Variants in LMNB2 observed in about 807,000 individuals in gnomAD.
The protein encoded by LMNB2 is lamin-B2.
LMNB2 carries 17 observed loss-of-function variants against 69.3 expected under a neutral mutation model. The ratio of observed to expected loss-of-function variants is 0.25; its 90% CI spans 0.17 to 0.37. The LOEUF (loss-of-function observed/expected upper bound fraction) is 0.37. Ranked by LOEUF, LMNB2 falls within the 10% of genes least tolerant of loss-of-function variation. The pLI, the probability that LMNB2 is intolerant of heterozygous loss-of-function variation, is 1.00. For missense variants in LMNB2, 789 were observed against 883.6 expected, an observed-to-expected ratio of 0.89 and a Z score of 1.36; for synonymous variants, 397 against 389.3, an observed-to-expected ratio of 1.02 and a Z score of -0.23.
At chr19:2,437,920 G>T (rs1463638182) in intron 4 of LMNB2, among the ~76,000 whole-genome samples, 2 of 152,308 alleles carry the variant, frequency 1.3e-5, no homozygotes, top group East Asian at 3.9e-4. Context: ...CAAATCCAAT[G>T]ACAAGTGTCC....
chr19:2,441,622 C>T (rs145231246), intron 2 of LMNB2, among the ~76,000 whole-genome samples: 1 of 152,346 alleles, frequency 6.6e-6, no homozygotes, highest in Non-Finnish European at 1.5e-5. Context: ...GTGTGGAAGG[C>T]ACCGCTCTCA....
In LMNB2 at chr19:2,434,003, C is replaced by T. The variant is rs747359028; in HGVS notation, c.1305G>A (p.Lys435=). 7 of 1,609,358 alleles carry T rather than the reference C, an allele frequency of 4.3e-6. No individual in the cohort carries two copies. The South Asian group carries it at 5.5e-5, about 13-fold the overall frequency. The change falls in exon 8 of 12, where the codon AAG becomes AAA. Residue 435 remains lysine, a synonymous_variant. Transcript: ENST00000325327. ...LSATGRLGRS[K]RKRLEVEEPL... ...GCTCCTCCACCTCCAGCCGCTTCCG[C>T]TTACTGCGGCCCAGGCGCCCGGTGG... is the stretch of plus-strand genomic sequence containing the variant.
chr19:2,431,027 C>A (rs1009731609), intron 11 of LMNB2, 75 bp from the exon 12 acceptor site: 3 of 867,238 alleles, frequency 3.5e-6, no homozygotes, highest in Admixed American at 3.6e-5. Flanking sequence ...GATGGCTGCC[C>A]CCACCTCCCC....
chr19:2,430,142 T>TC lies in LMNB2; in HGVS notation c.*768dup, dbSNP rs1971718809. On this transcript the variant is annotated 3_prime_UTR_variant, in exon 12 of 12. Coordinates refer to ENST00000325327, the MANE Select transcript of LMNB2 (RefSeq NM_032737.4). ...CAACCAGATGTGTCCCCTCCACATC[T>TC]CCCCTCCCTGCTTATTGTTGTGACA... 6.5e-6 allele frequency: 1 copy of TC among 153,908 alleles called. No homozygotes were observed. Among genetic ancestry groups the TC allele is most frequent in the Non-Finnish European group, 1.4e-5 (1 of 69,382 alleles). The allele number at this position is 153,908 out of a possible 1,614,324, so 9.5% of individuals were successfully genotyped here.
intron 2 of LMNB2, among the ~76,000 whole-genome samples, chr19:2,442,500 T>C (rs1168987497): frequency 6.6e-6 from 1 of 151,896 alleles, no homozygotes; most frequent in Admixed American, 6.6e-5. Context: ...ATTTGGGAGG[T>C]GGATGTTGCA....
Position 2,431,892 on chromosome 19 carries a change from G to C in LMNB2, c.1601C>G (p.Ala534Gly). The change falls in exon 10 of 12, where the codon GCT becomes GGT. Residue 534 changes from alanine to glycine, a missense_variant. Coordinates refer to ENST00000325327, the MANE Select transcript of LMNB2 (RefSeq NM_032737.4). ...GGGGCTGTGGGCCACCCCCGCACCA[G>C]CTGCCCACACCTGAGGACCCAATAA... Reference protein sequence around the residue: ...RAGQMVTVWAAGAGVAHSPPS... With the variant: ...RAGQMVTVWAGGAGVAHSPPS... 2 of 1,611,562 alleles carry C rather than the reference G, an allele frequency of 1.2e-6. No homozygotes were observed. The highest frequency in any genetic ancestry group is 8.5e-7 in the Non-Finnish European group (1 of 1,179,806).
chr19:2,448,701 A>G (rs1408042766), intron 1 of LMNB2, among the ~76,000 whole-genome samples: 1 of 152,078 alleles, frequency 6.6e-6, no homozygotes, highest in Admixed American at 6.6e-5. Flanking sequence ...CAAAAAAATT[A>G]GCCGGGCATG....
At position 2,444,512 on chromosome 19, in the gene LMNB2, G is replaced by A. The variant is rs200680198; in HGVS notation, c.293C>T (p.Ser98Leu). 14 of 1,612,126 alleles carry A rather than the reference G, an allele frequency of 8.7e-6. No individual in the cohort carries two copies. Among genetic ancestry groups the A allele is most frequent in the East Asian group, 2.2e-5 (1 of 44,880 alleles). ...GACTCTCCGGGCATCGGCCAGCTCC[G>A]ACTCGTACAGCGCCTTGATGCCACT... ...EVSGIKALYE[S>L]ELADARRVLD... Residue 98 changes from serine to leucine, a missense_variant, in exon 2 of 12, where the codon TCG (serine) becomes TTG (leucine). By Grantham distance (145) the Ser-to-Leu change is moderately radical (BLOSUM62 -2). This residue lies in a region of LMNB2 where 145 missense variants were observed against 228.9 expected (regional missense o/e 0.63). Coordinates refer to ENST00000325327, the MANE Select transcript of LMNB2 (RefSeq NM_032737.4).
At chr19:2,434,269 C>T (rs774240461) in intron 7 of LMNB2, 26 bp downstream of exon 7, 1 of 1,609,520 alleles carries the variant, frequency 6.2e-7, no homozygotes, top group Admixed American at 1.7e-5. Context: ...TCACTCTGTG[C>T]TCCCAAGCCT....
At chr19:2,450,380 G>C (rs1004316696) in intron 1 of LMNB2, among the ~76,000 whole-genome samples, 2 of 151,986 alleles carry the variant, frequency 1.3e-5, no homozygotes, top group African/African-American at 2.4e-5. Flanking sequence ...CGGGGAAACT[G>C]AGGAAGTCTG....
intron 1 of LMNB2, among the ~76,000 whole-genome samples, chr19:2,446,638 C>G (rs992732183): frequency 5.9e-5 from 9 of 152,228 alleles, no homozygotes; most frequent in African/African-American, 2.2e-4. Flanking sequence ...GCCAGGGCGT[C>G]CGTCAAGAAG....
intron 9 of LMNB2, 119 bp downstream of exon 9, chr19:2,432,297 A>G: frequency 1.2e-6 from 1 of 842,018 alleles, no homozygotes; most frequent in Non-Finnish European, 2.0e-6. Context: ...CCGCTCTGAG[A>G]CGGTGCCTGG....
intron 1 of LMNB2, among the ~76,000 whole-genome samples, chr19:2,455,712 G>C (rs558553613): frequency 1.3e-4 from 20 of 151,578 alleles, no homozygotes; most frequent in African/African-American, 4.1e-4. Context: ...GTCCCCAAGA[G>C]AATGGGCCAC....
intron 1 of LMNB2, among the ~76,000 whole-genome samples, chr19:2,450,161 C>T (rs1318115615): frequency 1.4e-5 from 2 of 143,224 alleles, no homozygotes; most frequent in Non-Finnish European, 3.0e-5. Context: ...CTCATCCCAT[C>T]GCCCCAGCGT....
At chr19:2,433,064 C>T (rs1239819722) in intron 8 of LMNB2, among the ~76,000 whole-genome samples, 2 of 119,502 alleles carry the variant, frequency 1.7e-5, no homozygotes, top group Admixed American at 8.1e-5. Flanking sequence ...CACCCCGTTA[C>T]CCCCATGCCC....
chr19:2,452,159 G>A (rs1451187431), intron 1 of LMNB2, among the ~76,000 whole-genome samples: 1 of 151,928 alleles, frequency 6.6e-6, no homozygotes, highest in Non-Finnish European at 1.5e-5. Context: ...GCTTGTATAT[G>A]GCGATTCATC....
At chr19:2,452,763 G>GGGC (rs1568209598) in intron 1 of LMNB2, among the ~76,000 whole-genome samples, 2 of 151,636 alleles carry the variant, frequency 1.3e-5, no homozygotes, top group Non-Finnish European at 2.9e-5. Context: ...AGGACCTCGG[G>GGGC]GGCCGCCACA....
At chr19:2,456,622 G>A in intron 1 of LMNB2, 48 bp downstream of exon 1, 4 of 1,418,212 alleles carry the variant, frequency 2.8e-6, no homozygotes, top group Non-Finnish European at 3.7e-6. Flanking sequence ...GCGGTGGGCG[G>A]GGCCTGCCGG....
intron 4 of LMNB2, among the ~76,000 whole-genome samples, chr19:2,437,467 G>C (rs922195318): frequency 6.6e-6 from 1 of 152,266 alleles, no homozygotes; most frequent in Non-Finnish European, 1.5e-5. Context: ...CAAGCTTTTA[G>C]AAAGGCAAGA....
Sources: gnomAD v4.1 joint callset for allele counts (sites outside exome capture counted in the v4.1 genomes callset) on GRCh38, gnomAD v4.1.1 for gene constraint, gnomAD v4.1.1 regional missense constraint, MANE v1.5 for transcripts, NCBI Gene and HGNC (gene_info 2026-07-23, HGNC 2026-07-21) for gene names.